Variants in MYH13 observed in about 807,000 individuals in gnomAD.
MYH13 encodes the protein myosin-13.
MYH13 carries 177 observed loss-of-function variants against 232.1 expected under a neutral mutation model. That is an observed-to-expected ratio of 0.76 (90% CI 0.67 to 0.86). The LOEUF (loss-of-function observed/expected upper bound fraction) is 0.86. Ranked by LOEUF, MYH13 falls within the 40% of genes least tolerant of loss-of-function variation. MYH13 has a pLI of 0.00. For missense variants in MYH13, 2,246 were observed against 2,405.9 expected, an observed-to-expected ratio of 0.93 and a Z score of 1.39; for synonymous variants, 884 against 923.5, an observed-to-expected ratio of 0.96 and a Z score of 0.78.
chr17:10,321,810 T>C, intron 23 of MYH13, 102 bp from the exon 24 acceptor site: 1 of 1,073,544 alleles, frequency 9.3e-7, no homozygotes, highest in Non-Finnish European at 1.3e-6. Flanking sequence ...TTTTCCCTTT[T>C]CTTTTTGGCT....
At chr17:10,308,721 T>C (rs1274998403) in intron 35 of MYH13, among the ~76,000 whole-genome samples, 1 of 151,970 alleles carries the variant, frequency 6.6e-6, no homozygotes, top group African/African-American at 2.4e-5. Flanking sequence ...TTGTTGTTGT[T>C]GTTTGTTTGT....
chr17:10,345,502 C>A lies in MYH13; in HGVS notation c.1378G>T (p.Gly460Trp), dbSNP rs768240121. Residue 460 changes from glycine to tryptophan, a missense_variant, in exon 14 of 41, where the codon GGG becomes TGG. Gly to Trp is a radical substitution (Grantham distance 184, BLOSUM62 -2). Transcript: ENST00000252172. ...TCAAAGCCAGCAATGTCCAAGACCC[C>A]GATGAAGTACTGCCTGGGCTGCTTG... ...DTKQPRQYFI[G>W]VLDIAGFEIF... is the part of the protein sequence containing the mutation. The A allele has an allele frequency of 2.5e-6, 4 of 1,614,054 alleles. No individual in the cohort carries two copies. In the African/African-American group the frequency reaches 5.3e-5, roughly 22 times the overall value.
intron 18 of MYH13, among the ~76,000 whole-genome samples, chr17:10,338,463 T>C (rs539204497): frequency 2.5e-4 from 38 of 151,812 alleles, no homozygotes; most frequent in Admixed American, 7.9e-4. Flanking sequence ...TTAAAGTTTA[T>C]AGTTCTGAGT....
intron 8 of MYH13, among the ~76,000 whole-genome samples, chr17:10,355,828 C>CTTT (rs61338527): frequency 1.5e-5 from 1 of 66,768 alleles, no homozygotes; most frequent in Non-Finnish European, 2.6e-5. Context: ...TTCTGTCTGA[C>CTTT]TTTTTTTTTT....
chr17:10,302,383 A>G (rs560292688), intron 39 of MYH13, among the ~76,000 whole-genome samples: 1 of 152,334 alleles, frequency 6.6e-6, no homozygotes, highest in African/African-American at 2.4e-5. Flanking sequence ...TCTGCATACA[A>G]TAAGAAGGTT....
intron 2 of MYH13, among the ~76,000 whole-genome samples, chr17:10,368,209 G>A (rs2071851845): frequency 6.6e-6 from 1 of 152,164 alleles, no homozygotes; most frequent in South Asian, 2.1e-4. Flanking sequence ...CTAGGAAGTT[G>A]TCAAGCTAAT....
intron 29 of MYH13, among the ~76,000 whole-genome samples, chr17:10,315,145 A>T (rs141558314): frequency 2.0e-5 from 3 of 152,270 alleles, no homozygotes; most frequent in African/African-American, 7.2e-5. Flanking sequence ...AGTTTCTCAG[A>T]CCACCCTGCG....
intron 7 of MYH13, among the ~76,000 whole-genome samples, 152 bp downstream of exon 7, chr17:10,359,808 A>T (rs557571948): frequency 6.6e-6 from 1 of 152,312 alleles, no homozygotes. Context: ...TTGATGGCAG[A>T]CACGTTCTGT....
chr17:10,312,913 C>T (rs529925493), intron 30 of MYH13, among the ~76,000 whole-genome samples, 156 bp from the exon 31 acceptor site: 1 of 151,964 alleles, frequency 6.6e-6, no homozygotes, highest in East Asian at 1.9e-4. Context: ...CAAGTGTCAC[C>T]GAGAGATTCT....
chr17:10,306,678 C>T lies in MYH13; in HGVS notation c.5296-49G>A, dbSNP rs757217821. 12 of 1,608,358 alleles carry T rather than the reference C, an allele frequency of 7.5e-6. No individual in the cohort carries two copies. The highest frequency in any genetic ancestry group is 1.0e-5 in the Non-Finnish European group (12 of 1,177,512). On this transcript the variant is annotated intron_variant, in intron 36 of 40. Transcript: ENST00000252172. This position sits in a 1 kb window ranked among gnomAD's most constrained non-coding sequence, Gnocchi z 4.3. The stretch of plus-strand genomic sequence containing the variant: ...CAGAGGCCCTGTCCGCCCATCCCTA[C>T]CCAGAGCTTGCAGAAGAGGCGAAGG...
At chr17:10,323,523 C>G (rs777458453) in intron 23 of MYH13, among the ~76,000 whole-genome samples, 1 of 151,856 alleles carries the variant, frequency 6.6e-6, no homozygotes, top group Non-Finnish European at 1.5e-5. Flanking sequence ...TTTGAGAGGC[C>G]GAGGTGGGTG....
chr17:10,332,248 T>C (rs925595895), intron 19 of MYH13, 26 bp from the exon 20 acceptor site: 1 of 1,611,274 alleles, frequency 6.2e-7, no homozygotes, highest in Non-Finnish European at 8.5e-7. Flanking sequence ...ATTTCCCAAA[T>C]GGATTCCAAT....
rs369416362 is a variant in MYH13, at chr17:10,363,248, G to A, written c.205-745C>T. The stretch of plus-strand genomic sequence containing the variant: ...GGAGAATGGCGTGAATCCGGGAGGC[G>A]GAGCTTGCAGTGAGCCGAGATCACG... On this transcript the variant is annotated intron_variant, in intron 3 of 40. Transcript: ENST00000252172. 2.5e-4 allele frequency among the ~76,000 whole-genome samples: 38 copies of A among 149,230 alleles called. No individual in the cohort carries two copies. In the South Asian group the frequency reaches 7.0e-3, roughly 28 times the overall value.
intron 12 of MYH13, among the ~76,000 whole-genome samples, chr17:10,348,524 G>A (rs537922289): frequency 1.2e-4 from 19 of 152,304 alleles, no homozygotes; most frequent in African/African-American, 3.4e-4. Flanking sequence ...GGTTGGTATC[G>A]TCATTGATAT....
intron 5 of MYH13, 84 bp downstream of exon 5, chr17:10,362,034 C>G: frequency 6.2e-7 from 1 of 1,609,152 alleles, no homozygotes; most frequent in South Asian, 1.1e-5. Context: ...ATTATTGCAC[C>G]ATTCAGATGG....
At chr17:10,310,237 C>T (rs1216097837) in intron 33 of MYH13, among the ~76,000 whole-genome samples, 1 of 151,814 alleles carries the variant, frequency 6.6e-6, no homozygotes, top group African/African-American at 2.4e-5. Context: ...ATTACAGGTG[C>T]CCACCACTGT....
At chr17:10,305,886 C>A (rs1906263512) in intron 37 of MYH13, among the ~76,000 whole-genome samples, 1 of 152,056 alleles carries the variant, frequency 6.6e-6, no homozygotes, top group Non-Finnish European at 1.5e-5. Context: ...AGGAAGAAGC[C>A]CCGATCGCCC....
chr17:10,347,459 C>T (rs2071674770), intron 12 of MYH13, among the ~76,000 whole-genome samples: 1 of 152,134 alleles, frequency 6.6e-6, no homozygotes, highest in South Asian at 2.1e-4. Context: ...GGACAGTTGA[C>T]AATATACATG....
rs529150636 is a variant in MYH13 at position 10,337,782 on chromosome 17, C to T, written c.2056+2368G>A. 3.9e-5 allele frequency among the ~76,000 whole-genome samples: 6 copies of T among 152,290 alleles called. 1 individual carries two copies. In the South Asian group the frequency reaches 8.3e-4, roughly 21 times the overall value. On this transcript the variant is annotated intron_variant, in intron 18 of 40. Coordinates refer to ENST00000252172, the MANE Select transcript of MYH13 (RefSeq NM_003802.3). ...CCCAAAGAAAATGTAGGGCCGGGCG[C>T]GGTGGCTCACGCCTGTAATCCCAGC...
Sources: gnomAD v4.1 joint callset for allele counts (sites outside exome capture counted in the v4.1 genomes callset) on GRCh38, gnomAD v4.1.1 for gene constraint, Gnocchi (gnomAD v3.1) non-coding constraint, MANE v1.5 for transcripts, NCBI Gene and HGNC (gene_info 2026-07-23, HGNC 2026-07-21) for gene names.